MAP3K20: variants seen among roughly 807,000 people sequenced by gnomAD.
The protein encoded by MAP3K20 is HCCS-4.
Under a neutral mutation model 85.7 loss-of-function variants are expected in MAP3K20, and 40 were observed. That is an observed-to-expected ratio of 0.47 (90% CI 0.36 to 0.61). The LOEUF (loss-of-function observed/expected upper bound fraction) is 0.61, where lower values mean the gene tolerates loss of function less well. Ranked by LOEUF, MAP3K20 falls within the 20% of genes least tolerant of loss-of-function variation. The pLI, the probability that MAP3K20 is intolerant of heterozygous loss-of-function variation, is 0.00. For missense variants in MAP3K20, 817 were observed against 961.7 expected, an observed-to-expected ratio of 0.85 and a Z score of 1.99; for synonymous variants, 325 against 327.7, an observed-to-expected ratio of 0.99 and a Z score of 0.09.
chr2:173,231,411 G>A (rs1392231168), intron 12 of MAP3K20, among the ~76,000 whole-genome samples: 2 of 152,234 alleles, frequency 1.3e-5, no homozygotes, highest in Admixed American at 1.3e-4. Flanking sequence ...AGAGGACTCA[G>A]GGTCTCCTTT....
chr2:173,105,785 G>A (rs1240629493), intron 2 of MAP3K20, among the ~76,000 whole-genome samples: 1 of 152,116 alleles, frequency 6.6e-6, no homozygotes, highest in Non-Finnish European at 1.5e-5. Flanking sequence ...TTGTTTGATA[G>A]GTATAGAATT....
chr2:173,217,131 A>ACT lies in MAP3K20; in HGVS notation c.871_872dup (p.Glu292LeufsTer4), dbSNP rs772493416. ...CCCGTGCAGGTGCGAAATTGAGGCA[A>ACT]CTCTTGAGAGGCTAAAGAAACTAGA... On this transcript the variant is annotated frameshift_variant, in exon 11 of 20. Transcript: ENST00000375213. LOFTEE classifies it high-confidence loss of function. 1 of 1,570,422 alleles carries ACT rather than the reference A, an allele frequency of 6.4e-7. No individual in the cohort carries two copies. The highest frequency in any genetic ancestry group is 8.6e-7 in the Non-Finnish European group (1 of 1,157,946).
intron 2 of MAP3K20, among the ~76,000 whole-genome samples, chr2:173,130,826 G>A (rs948355055): frequency 1.3e-5 from 2 of 152,180 alleles, no homozygotes; most frequent in Admixed American, 6.5e-5. Context: ...GCTGATGATT[G>A]TTTTATGCCA....
upstream of MAP3K20, chr2:173,075,786 G>C: frequency 1.0e-6 from 1 of 985,482 alleles, no homozygotes; most frequent in East Asian, 1.1e-4. Flanking sequence ...CGTGTGAGGG[G>C]AGGGCGGCCC....
intron 2 of MAP3K20, among the ~76,000 whole-genome samples, chr2:173,094,148 A>T (rs75832734): frequency 4.1e-4 from 61 of 149,364 alleles, no homozygotes; most frequent in African/African-American, 8.4e-4. Flanking sequence ...ATAAAAAAAA[A>T]TTTTTTTAAA....
Position 173,193,979 on chromosome 2 carries a change from C to G in MAP3K20, c.582+2802C>G, listed in dbSNP as rs186430854. Among the ~76,000 whole-genome samples, 31 of 152,320 alleles carry G rather than the reference C, an allele frequency of 2.0e-4. No homozygotes were observed. The East Asian group carries it at 5.0e-3, about 25-fold the overall frequency. ...TCCAGTGTTGCTCTGTATTTACACA[C>G]TGGATGTTGCTCTGCAGAACCTGTC... On this transcript the variant is annotated intron_variant, in intron 7 of 19. Coordinates refer to ENST00000375213, the MANE Select transcript of MAP3K20 (RefSeq NM_016653.3).
At chr2:173,162,379 T>G (rs1018193974) in intron 2 of MAP3K20, among the ~76,000 whole-genome samples, 1 of 152,072 alleles carries the variant, frequency 6.6e-6, no homozygotes, top group African/African-American at 2.4e-5. Flanking sequence ...GATGAAATGA[T>G]AGACTCCTAC....
chr2:173,249,414 A>G (rs1684993572), intron 16 of MAP3K20, among the ~76,000 whole-genome samples: 1 of 152,372 alleles, frequency 6.6e-6, no homozygotes, highest in South Asian at 2.1e-4. Context: ...GGACAACCGT[A>G]TCAATCCTGG....
intron 8 of MAP3K20, among the ~76,000 whole-genome samples, chr2:173,202,110 CCCAA>C (rs1691086075): frequency 6.6e-6 from 1 of 152,070 alleles, no homozygotes; most frequent in Non-Finnish European, 1.5e-5. Context: ...ATTCCCAGCC[CCCAA>C]CCATTTTATA....
chr2:173,112,044 A>G (rs1281440226), intron 2 of MAP3K20, among the ~76,000 whole-genome samples: 1 of 152,100 alleles, frequency 6.6e-6, no homozygotes, highest in Non-Finnish European at 1.5e-5. Context: ...CCCATCCGTG[A>G]GCATGGGATG....
chr2:173,250,244 T>G (rs1685012520), intron 16 of MAP3K20, among the ~76,000 whole-genome samples: 1 of 152,242 alleles, frequency 6.6e-6, no homozygotes, highest in African/African-American at 2.4e-5. Flanking sequence ...CAAATGTTAT[T>G]TAATCTTTCA....
chr2:173,253,990 G>A (rs1325344430), intron 16 of MAP3K20, among the ~76,000 whole-genome samples: 1 of 151,098 alleles, frequency 6.6e-6, no homozygotes, highest in Non-Finnish European at 1.5e-5. Context: ...AAGATCGCTT[G>A]AGCCCTGGAA....
chr2:173,232,321 T>C lies in MAP3K20; in HGVS notation c.1065T>C (p.Gly355=). 6.2e-7 allele frequency: 1 copy of C among 1,614,186 alleles called. No homozygotes were observed. The highest frequency in any genetic ancestry group is 8.5e-7 in the Non-Finnish European group (1 of 1,180,016). Residue 355 remains glycine, a splice_region_variant and synonymous_variant, in exon 14 of 20, where the codon GGT becomes GGC. Transcript: ENST00000375213. The part of the protein sequence containing the change: ...YCWVQQLVRK[G]DSSAEMSVYA... Reference sequence around the variant, plus strand: ...CTGCTTTCTAATCACTTCCTTCAGGTGACTCTTCAGCAGAGATGAGTGTAT... The same window carrying C: ...CTGCTTTCTAATCACTTCCTTCAGGCGACTCTTCAGCAGAGATGAGTGTAT...
Position 173,238,388 on chromosome 2 carries a change from T to C in MAP3K20, c.1219T>C (p.Leu407=). The change falls in exon 15 of 20, where the codon TTA becomes CTA. Residue 407 remains leucine (L), a synonymous_variant. Coordinates refer to ENST00000375213, the MANE Select transcript of MAP3K20 (RefSeq NM_016653.3). ...IIHFKSAIEK[L]THDYINLFHF... is the part of the protein sequence containing the mutation. ...TTTTTTACAGTCAGCCATTGAGAAATTAACCCATGATTACATAAATTTGTT... is the reference window on the plus strand; with the variant it reads ...TTTTTTACAGTCAGCCATTGAGAAACTAACCCATGATTACATAAATTTGTT... The C allele has an allele frequency of 6.2e-7, 1 of 1,612,900 alleles. No individual in the cohort carries two copies. The highest frequency in any genetic ancestry group is 8.5e-7 in the Non-Finnish European group (1 of 1,179,508).
chr2:173,262,307 T>C (rs1306292147), intron 18 of MAP3K20, among the ~76,000 whole-genome samples: 2 of 152,030 alleles, frequency 1.3e-5, no homozygotes. Context: ...ATATTAGAAA[T>C]ACAAACCCTG....
At chr2:173,159,733 G>GA (rs1485829420) in intron 2 of MAP3K20, among the ~76,000 whole-genome samples, 2 of 152,194 alleles carry the variant, frequency 1.3e-5, no homozygotes, top group African/African-American at 2.4e-5. Flanking sequence ...TGAACACCAA[G>GA]AATGTAAAAT....
intron 16 of MAP3K20, among the ~76,000 whole-genome samples, chr2:173,248,525 T>C (rs1433128940): frequency 6.6e-6 from 1 of 152,226 alleles, no homozygotes; most frequent in Non-Finnish European, 1.5e-5. Flanking sequence ...AGTGTGGCAA[T>C]GTACTTTGTC....
At chr2:173,095,983 G>A (rs997656846) in intron 2 of MAP3K20, among the ~76,000 whole-genome samples, 2 of 152,018 alleles carry the variant, frequency 1.3e-5, no homozygotes, top group African/African-American at 4.8e-5. Flanking sequence ...ATAAAGAAAA[G>A]GTGAAAAGGT....
At chr2:173,141,445 A>G (rs545489532) in intron 2 of MAP3K20, among the ~76,000 whole-genome samples, 17 of 152,208 alleles carry the variant, frequency 1.1e-4, no homozygotes, top group Non-Finnish European at 1.8e-4. Context: ...AATTGTACTG[A>G]TGGGGCTTAA....
Sources: gnomAD v4.1 joint callset for allele counts (sites outside exome capture counted in the v4.1 genomes callset) on GRCh38, gnomAD v4.1.1 for gene constraint, MANE v1.5 for transcripts, NCBI Gene and HGNC (gene_info 2026-07-23, HGNC 2026-07-21) for gene names.